The following RGS6 variants were observed in gnomAD, a reference collection of about 807,000 sequenced individuals.
RGS6 encodes regulator of G-protein signaling 6.
A neutral mutation model predicts 78.5 loss-of-function variants in RGS6; 30 were observed. The observed-to-expected ratio is 0.38, with a 90% CI of 0.29 to 0.52. The LOEUF is 0.52. Ranked by LOEUF, RGS6 falls within the 20% of genes least tolerant of loss-of-function variation. The pLI is 0.85. For missense variants in RGS6, 495 were observed against 609.7 expected (o/e 0.81, Z 1.98); for synonymous variants, 206 against 206.0 (o/e 1.00, Z 0.00).
chr14:72,103,274 T>C (rs2095563792), intron 2 of RGS6, among the ~76,000 whole-genome samples: 1 of 152,198 alleles, frequency 6.6e-6, no homozygotes, highest in Non-Finnish European at 1.5e-5. Context: ...TATGTGGATA[T>C]CTGAGTGTCA....
chr14:72,012,679 C>G (rs538234412), intron 2 of RGS6, among the ~76,000 whole-genome samples: 2 of 152,216 alleles, frequency 1.3e-5, no homozygotes, highest in Admixed American at 1.3e-4. Context: ...TTACCTCTAC[C>G]TTTGTTGTCT....
intron 2 of RGS6, among the ~76,000 whole-genome samples, chr14:71,995,895 G>C (rs557844153): frequency 6.6e-6 from 1 of 152,072 alleles, no homozygotes. Context: ...CAAAGCTCCC[G>C]GGATCTCACT....
intron 2 of RGS6, among the ~76,000 whole-genome samples, chr14:72,307,798 C>T (rs2067599105): frequency 6.6e-6 from 1 of 152,072 alleles, no homozygotes; most frequent in African/African-American, 2.4e-5. Context: ...AATTCATATA[C>T]TAAAGTAAGA....
At chr14:71,957,701 A>G (rs889335609) in intron 1 of RGS6, among the ~76,000 whole-genome samples, 12 of 152,260 alleles carry the variant, frequency 7.9e-5, no homozygotes, top group Admixed American at 2.0e-4. Flanking sequence ...TTACATGGCT[A>G]TCTTTCCACT....
chr14:72,349,738 C>T (rs1057109691), intron 2 of RGS6, among the ~76,000 whole-genome samples: 4 of 152,178 alleles, frequency 2.6e-5, no homozygotes, highest in Non-Finnish European at 4.4e-5. Context: ...GGTGAAATAA[C>T]TAAACTGAGT....
chr14:72,364,919 T>G (rs1296558392), intron 3 of RGS6, among the ~76,000 whole-genome samples: 1 of 152,202 alleles, frequency 6.6e-6, no homozygotes, highest in Non-Finnish European at 1.5e-5. Context: ...GTCACCACTT[T>G]CTCAGCAACA....
the RGS6 span, among the ~76,000 whole-genome samples, chr14:72,591,796 G>T: frequency 6.6e-6 from 1 of 152,202 alleles, no homozygotes; most frequent in Non-Finnish European, 1.5e-5. Flanking sequence ...AACATGCCCA[G>T]AGAAAACAAA....
intron 2 of RGS6, among the ~76,000 whole-genome samples, chr14:72,296,673 T>C (rs1354176254): frequency 6.6e-6 from 1 of 152,206 alleles, no homozygotes; most frequent in African/African-American, 2.4e-5. Context: ...TGTCTTTTTA[T>C]TGTTAAATTG....
intron 2 of RGS6, among the ~76,000 whole-genome samples, chr14:72,211,272 C>A (rs956892861): frequency 6.6e-6 from 1 of 152,182 alleles, no homozygotes; most frequent in Non-Finnish European, 1.5e-5. Context: ...ACGAGGTCAA[C>A]AGTGTCAGGT....
At chr14:72,088,310 C>T (rs917912979) in intron 2 of RGS6, among the ~76,000 whole-genome samples, 7 of 152,164 alleles carry the variant, frequency 4.6e-5, no homozygotes, top group Non-Finnish European at 8.8e-5. Flanking sequence ...ACTCCTCCTT[C>T]CCATTATCAC....
chr14:71,899,389 T>C, the RGS6 span, among the ~76,000 whole-genome samples: 1 of 152,194 alleles, frequency 6.6e-6, no homozygotes, highest in African/African-American at 2.4e-5. Flanking sequence ...TTTGCAAATT[T>C]CCCCCACTTT....
At chr14:71,891,611 C>T in the RGS6 span, among the ~76,000 whole-genome samples, 2 of 152,178 alleles carry the variant, frequency 1.3e-5, no homozygotes, top group Non-Finnish European at 2.9e-5. Context: ...GGCCCACCCA[C>T]CCTCAAGGGG....
At chr14:71,894,294 G>A in the RGS6 span, among the ~76,000 whole-genome samples, 3 of 152,232 alleles carry the variant, frequency 2.0e-5, no homozygotes, top group South Asian at 6.2e-4. Context: ...ACCCAGACTT[G>A]GGAGCATCCA....
intron 17 of RGS6, chr14:72,541,311 C>G (rs993582170): frequency 1.0e-5 from 9 of 870,630 alleles, no homozygotes; most frequent in Non-Finnish European, 1.2e-5. Flanking sequence ...ATTTACGTGT[C>G]GTAGCTAGAT....
chr14:72,379,026 A>G (rs563246441), intron 3 of RGS6, among the ~76,000 whole-genome samples: 1 of 152,346 alleles, frequency 6.6e-6, no homozygotes, highest in East Asian at 1.9e-4. Context: ...GGATGATTCA[A>G]CATATGCAAA....
intron 3 of RGS6, among the ~76,000 whole-genome samples, chr14:72,357,794 G>A (rs1639902791): frequency 6.6e-6 from 1 of 152,194 alleles, no homozygotes; most frequent in African/African-American, 2.4e-5. Flanking sequence ...ATTCAAGCTG[G>A]CTGCAGAAAT....
At chr14:71,910,891 A>T in the RGS6 span, among the ~76,000 whole-genome samples, 1 of 152,178 alleles carries the variant, frequency 6.6e-6, no homozygotes, top group Non-Finnish European at 1.5e-5. Flanking sequence ...CTGCGTGGAC[A>T]GTGACAGGGT....
chr14:72,247,001 C>T (rs143405106), intron 2 of RGS6, among the ~76,000 whole-genome samples: 2 of 152,184 alleles, frequency 1.3e-5, no homozygotes, highest in African/African-American at 2.4e-5. Context: ...GCTGGGGACT[C>T]CCTGTGTTCC....
chr14:72,444,311 T>A (rs1195089349), intron 3 of RGS6, among the ~76,000 whole-genome samples: 2 of 152,022 alleles, frequency 1.3e-5, no homozygotes, highest in Non-Finnish European at 2.9e-5. Context: ...TTATTTTTCA[T>A]AATGCACAGG....
Sources: allele counts gnomAD v4.1 joint callset (sites outside exome capture counted in the v4.1 genomes callset), GRCh38; gene constraint gnomAD v4.1.1; transcripts MANE v1.5; gene names NCBI Gene and HGNC (gene_info 2026-07-23, HGNC 2026-07-21).